The following ADGRB3 variants were observed in gnomAD, a reference collection of about 807,000 sequenced individuals.
ADGRB3 encodes the protein brain-specific angiogenesis inhibitor 3.
Under a neutral mutation model 193.4 loss-of-function variants are expected in ADGRB3, and 37 were observed. The ratio of observed to expected loss-of-function variants is 0.19; its 90% confidence interval spans 0.15 to 0.25. ADGRB3 has a LOEUF of 0.25. Ranked by LOEUF, ADGRB3 falls within the 10% of genes least tolerant of loss-of-function variation. ADGRB3 has a pLI of 1.00. For synonymous variants in ADGRB3, 690 were observed against 644.2 expected (o/e 1.07, Z -1.08); for missense variants, 1,637 against 1,852.9 (o/e 0.88, Z 2.14).
chr6:68,778,760 C>G (rs1411622177), intron 3 of ADGRB3, among the ~76,000 whole-genome samples: 1 of 152,020 alleles, frequency 6.6e-6, no homozygotes, highest in Non-Finnish European at 1.5e-5. Context: ...CAAAATACTA[C>G]CTCTCTCCAG....
At chr6:68,732,568 T>C (rs1765793941) in intron 3 of ADGRB3, among the ~76,000 whole-genome samples, 1 of 151,774 alleles carries the variant, frequency 6.6e-6, no homozygotes, top group Non-Finnish European at 1.5e-5. Context: ...GCCTGAGAAA[T>C]GGTATGAAGA....
At chr6:68,956,876 T>A in intron 8 of ADGRB3, 67 bp downstream of exon 8, 1 of 1,550,030 alleles carries the variant, frequency 6.5e-7, no homozygotes, top group Admixed American at 1.8e-5. Context: ...GATTTAAAAA[T>A]ATTGTCATTG....
At chr6:69,054,125 A>G (rs1035427962) in intron 15 of ADGRB3, among the ~76,000 whole-genome samples, 8 of 152,214 alleles carry the variant, frequency 5.3e-5, no homozygotes, top group African/African-American at 1.9e-4. Flanking sequence ...ATTCCACTAT[A>G]GTGGAATAAA....
intron 3 of ADGRB3, among the ~76,000 whole-genome samples, chr6:68,822,849 C>T (rs1235302557): frequency 6.6e-5 from 10 of 151,980 alleles, no homozygotes; most frequent in Admixed American, 5.9e-4. Flanking sequence ...TTTCCAAAGG[C>T]TTTGCTGCAA....
intron 3 of ADGRB3, among the ~76,000 whole-genome samples, chr6:68,791,140 C>T (rs2127366643): frequency 6.6e-6 from 1 of 151,608 alleles, no homozygotes; most frequent in South Asian, 2.1e-4. Context: ...TCTTTACCTT[C>T]TGAGTTTCCT....
At chr6:68,862,131 A>ACCCCCCCC (rs34902902) in intron 3 of ADGRB3, among the ~76,000 whole-genome samples, 1 of 141,350 alleles carries the variant, frequency 7.1e-6, no homozygotes, top group Non-Finnish European at 1.5e-5. Context: ...AGGAGGAGGG[A>ACCCCCCCC]CCCCCCCCCC....
At chr6:68,925,682 G>A (rs1264341485) in intron 3 of ADGRB3, among the ~76,000 whole-genome samples, 1 of 151,924 alleles carries the variant, frequency 6.6e-6, no homozygotes, top group Non-Finnish European at 1.5e-5. Flanking sequence ...CATTGTAGTT[G>A]AGGGCATTCC....
At chr6:69,175,486 C>T (rs137860430) in intron 17 of ADGRB3, among the ~76,000 whole-genome samples, 3 of 152,010 alleles carry the variant, frequency 2.0e-5, no homozygotes, top group African/African-American at 7.2e-5. Flanking sequence ...CTATTTTGTT[C>T]CATTGGTGTA....
In ADGRB3 at chr6:69,249,763, T is replaced by TA. The variant is rs56670699; in HGVS notation, c.2814+10546dup. ...AAAGTCCAAACACTAATGCCTATAA[T>TA]AAAAAAAAATAAGCAGATTAAAGTT... On this transcript the variant is annotated intron_variant, in intron 20 of 31. Coordinates refer to ENST00000370598, the MANE Select transcript of ADGRB3 (RefSeq NM_001704.3). Among the ~76,000 whole-genome samples, 715 of 151,558 alleles carry TA rather than the reference T, an allele frequency of 4.7e-3. 5 individuals carry two copies. Among genetic ancestry groups the TA allele is most frequent in the African/African-American group, 0.016 (653 of 41,376 alleles).
chr6:69,094,586 C>T (rs971838490), intron 17 of ADGRB3, among the ~76,000 whole-genome samples: 1 of 152,094 alleles, frequency 6.6e-6, no homozygotes, highest in South Asian at 2.1e-4. Context: ...ATATGTCATA[C>T]CGTGTTTACA....
At chr6:69,131,663 C>T in intron 17 of ADGRB3, among the ~76,000 whole-genome samples, 1 of 151,920 alleles carries the variant, frequency 6.6e-6, no homozygotes. Flanking sequence ...TTCTGGGATA[C>T]ATGTGCCAAA....
chr6:69,373,663 CT>C (rs1194657009), intron 30 of ADGRB3, among the ~76,000 whole-genome samples: 1 of 151,950 alleles, frequency 6.6e-6, no homozygotes, highest in Non-Finnish European at 1.5e-5. Context: ...TTTTTAGTGC[CT>C]TTGAAGAACA....
At chr6:68,994,214 C>T (rs1466621765) in intron 11 of ADGRB3, among the ~76,000 whole-genome samples, 1 of 151,962 alleles carries the variant, frequency 6.6e-6, no homozygotes, top group African/African-American at 2.4e-5. Flanking sequence ...TGCTTTGAGC[C>T]CCCAGATAAA....
Position 68,763,709 on chromosome 6 carries a change from G to A in ADGRB3, c.757+124277G>A, listed in dbSNP as rs892046216. On this transcript the variant is annotated intron_variant, in intron 3 of 31. Transcript: ENST00000370598. ...GGATAATCACACTTTATATTTTTTTGTTTTAGAAGAGTTGCTATTTTTCTT... is the reference window on the plus strand; with the variant it reads ...GGATAATCACACTTTATATTTTTTTATTTTAGAAGAGTTGCTATTTTTCTT... Among the ~76,000 whole-genome samples, 8 of 152,114 alleles carry A rather than the reference G, an allele frequency of 5.3e-5. 2 individuals carry two copies. The highest frequency in any genetic ancestry group is 2.0e-4 in the Admixed American group (3 of 15,276).
At chr6:68,835,999 C>T (rs980692177) in intron 3 of ADGRB3, among the ~76,000 whole-genome samples, 4 of 152,078 alleles carry the variant, frequency 2.6e-5, no homozygotes, top group African/African-American at 7.2e-5. Flanking sequence ...TCTTGGCTAG[C>T]GGATCTGCTT....
chr6:68,957,778 T>A (rs968770378), intron 8 of ADGRB3, among the ~76,000 whole-genome samples: 1 of 152,084 alleles, frequency 6.6e-6, no homozygotes, highest in African/African-American at 2.4e-5. Flanking sequence ...TATCCAGGAG[T>A]CAAAGCTTTG....
chr6:69,381,361 G>A (rs1006873152), intron 30 of ADGRB3, among the ~76,000 whole-genome samples: 2 of 151,852 alleles, frequency 1.3e-5, no homozygotes, highest in Admixed American at 6.6e-5. Flanking sequence ...ATGTTGCCAT[G>A]TTCTTGTCCT....
chr6:69,246,097 C>G (rs1766493707), intron 20 of ADGRB3, among the ~76,000 whole-genome samples: 1 of 152,006 alleles, frequency 6.6e-6, no homozygotes, highest in Non-Finnish European at 1.5e-5. Flanking sequence ...GATCTGGCCC[C>G]TGGATTTTAG....
At chr6:69,277,514 C>T (rs927832275) in intron 20 of ADGRB3, among the ~76,000 whole-genome samples, 2 of 152,050 alleles carry the variant, frequency 1.3e-5, no homozygotes, top group South Asian at 4.1e-4. Context: ...AAGGAGATCC[C>T]ATCGATTTGT....
Sources: allele counts gnomAD v4.1 joint callset (sites outside exome capture counted in the v4.1 genomes callset), GRCh38; gene constraint gnomAD v4.1.1; transcripts MANE v1.5; gene names NCBI Gene and HGNC (gene_info 2026-07-23, HGNC 2026-07-21).